Variants in ANTXR2 observed in about 807,000 individuals in gnomAD.
ANTXR2 encodes ANTXR cell adhesion molecule 2.
ANTXR2 carries 44 observed loss-of-function variants against 73.7 expected under a neutral mutation model. The observed-to-expected ratio is 0.60, with a 90% CI of 0.47 to 0.77. The LOEUF is 0.77. Among genes scored for constraint, ANTXR2 ranks in the 30% least tolerant of loss-of-function variants. ANTXR2 has a pLI of 0.00. For missense variants in ANTXR2, 604 were observed against 592.5 expected (o/e 1.02, Z -0.20); for synonymous variants, 217 against 205.9 (o/e 1.05, Z -0.46).
chr4:79,978,087 C>T lies in ANTXR2; in HGVS notation c.1267G>A (p.Glu423Lys). The part of the protein sequence containing the change: ...NAVVKIPEET[E>K]EPIRPRPPRP... Reference sequence around the variant, plus strand: ...GGTGGTCTAGGCCTGATGGGTTCCTCTGTTTCTTCAGGAATCTTCACCACA... The same window carrying T: ...GGTGGTCTAGGCCTGATGGGTTCCTTTGTTTCTTCAGGAATCTTCACCACA... The change falls in exon 15 of 17, where the codon GAG becomes AAG. Residue 423 changes from glutamate (E) to lysine (K), a missense_variant. Transcript: ENST00000403729. The T allele has an allele frequency of 6.2e-7, 1 of 1,613,900 alleles. No individual in the cohort carries two copies. Among genetic ancestry groups the T allele is most frequent in the Non-Finnish European group, 8.5e-7 (1 of 1,179,848 alleles).
At chr4:79,933,943 T>C (rs1004189314) in intron 16 of ANTXR2, among the ~76,000 whole-genome samples, 10 of 151,882 alleles carry the variant, frequency 6.6e-5, no homozygotes, top group African/African-American at 2.4e-4. Flanking sequence ...TTTCGCCGTG[T>C]TAGGGAAGAT....
At chr4:79,983,322 T>C (rs1729967153) in intron 14 of ANTXR2, among the ~76,000 whole-genome samples, 1 of 152,150 alleles carries the variant, frequency 6.6e-6, no homozygotes, top group African/African-American at 2.4e-5. Flanking sequence ...AGATATAATA[T>C]TAAAGTTCAA....
intron 12 of ANTXR2, among the ~76,000 whole-genome samples, chr4:79,985,540 C>T (rs575105416): frequency 1.3e-5 from 2 of 152,170 alleles, no homozygotes; most frequent in East Asian, 3.9e-4. Flanking sequence ...CCAAACTAAC[C>T]TAGGCTGGGT....
chr4:79,943,703 T>C (rs1173729581), intron 16 of ANTXR2, among the ~76,000 whole-genome samples: 2 of 144,172 alleles, frequency 1.4e-5, no homozygotes, highest in Non-Finnish European at 3.0e-5. Flanking sequence ...ACCTGCACAA[T>C]GTGCACATGT....
chr4:80,052,190 A>C (rs992510598), intron 7 of ANTXR2, among the ~76,000 whole-genome samples: 4 of 151,650 alleles, frequency 2.6e-5, no homozygotes, highest in African/African-American at 9.7e-5. Context: ...TAGTTTGATA[A>C]ATCATAAAGA....
intron 16 of ANTXR2, among the ~76,000 whole-genome samples, chr4:79,957,659 G>A (rs933990862): frequency 9.2e-5 from 14 of 151,878 alleles, no homozygotes; most frequent in East Asian, 3.9e-4. Context: ...GATATAATCC[G>A]AAAATCATAC....
intron 7 of ANTXR2, among the ~76,000 whole-genome samples, chr4:80,040,527 A>G (rs1015019855): frequency 6.6e-6 from 1 of 152,106 alleles, no homozygotes; most frequent in South Asian, 2.1e-4. Flanking sequence ...TTTCCCTCTA[A>G]TATATGCTGT....
intron 16 of ANTXR2, among the ~76,000 whole-genome samples, chr4:79,928,867 G>A (rs1000390035): frequency 2.0e-5 from 3 of 152,078 alleles, no homozygotes; most frequent in African/African-American, 7.2e-5. Flanking sequence ...ATATTTGCAA[G>A]GCATAAAGCC....
chr4:80,035,961 TA>T lies in ANTXR2; in HGVS notation c.697+10del. The T allele has an allele frequency of 6.5e-7, 1 of 1,535,268 alleles. No homozygotes were observed. The highest frequency in any genetic ancestry group is 1.3e-5 in the South Asian group (1 of 79,458). ...TTTCTTACATGGTATTTTTAAATTC[TA>T]AACACTTACCCCCCACACAGACACT... On this transcript the variant is annotated intron_variant, in intron 8 of 16. Coordinates refer to ENST00000403729, the MANE Select transcript of ANTXR2 (RefSeq NM_058172.6).
intron 3 of ANTXR2, among the ~76,000 whole-genome samples, chr4:80,061,526 C>T (rs1734256945): frequency 6.6e-6 from 1 of 151,944 alleles, no homozygotes; most frequent in South Asian, 2.1e-4. Context: ...TGTAGCAATA[C>T]ATAAGGATTT....
intron 7 of ANTXR2, among the ~76,000 whole-genome samples, chr4:80,040,930 T>C (rs1251461241): frequency 6.6e-6 from 1 of 152,040 alleles, no homozygotes; most frequent in Admixed American, 6.6e-5. Flanking sequence ...TCCTCAAACA[T>C]TAATATAGAT....
intron 12 of ANTXR2, among the ~76,000 whole-genome samples, chr4:80,004,016 T>C (rs1022266878): frequency 6.6e-6 from 1 of 152,120 alleles, no homozygotes; most frequent in African/African-American, 2.4e-5. Context: ...TAAATGTTTT[T>C]CAACAGGTGA....
chr4:79,909,729 A>G (rs1727052470), intron 16 of ANTXR2, among the ~76,000 whole-genome samples: 2 of 152,256 alleles, frequency 1.3e-5, no homozygotes, highest in South Asian at 4.2e-4. Flanking sequence ...AAAACAAGCA[A>G]ATGCTCTTCT....
intron 3 of ANTXR2, among the ~76,000 whole-genome samples, chr4:80,057,822 ATGCTGTATTCCCC>A (rs1404346287): frequency 6.6e-6 from 1 of 152,082 alleles, no homozygotes; most frequent in Admixed American, 6.6e-5. Context: ...TCTTTTATTT[ATGCTGTATTCCCC>A]TGCTCTGTAC....
In ANTXR2 at chr4:79,923,755, T is replaced by C. The variant is rs578040751; in HGVS notation, c.1429-16288A>G. On this transcript the variant is annotated intron_variant, in intron 16 of 16. Coordinates refer to ENST00000403729, the MANE Select transcript of ANTXR2 (RefSeq NM_058172.6). The stretch of plus-strand genomic sequence containing the variant: ...AGTTAACTGACTTCATAGGTATTTA[T>C]TTTCCTTTATGCCTCTGTTATTCCC... Among the ~76,000 whole-genome samples, 97 of 152,252 alleles carry C rather than the reference T, an allele frequency of 6.4e-4. 1 individual carries two copies. Among genetic ancestry groups the C allele is most frequent in the African/African-American group, 2.2e-3 (92 of 41,554 alleles).
intron 16 of ANTXR2, among the ~76,000 whole-genome samples, chr4:79,950,489 T>C (rs1728665857): frequency 6.6e-6 from 1 of 152,210 alleles, no homozygotes; most frequent in South Asian, 2.1e-4. Flanking sequence ...CCAAAGCTAC[T>C]ATTTCTTCTT....
At chr4:80,041,145 G>T (rs1733226286) in intron 7 of ANTXR2, among the ~76,000 whole-genome samples, 1 of 151,970 alleles carries the variant, frequency 6.6e-6, no homozygotes, top group Non-Finnish European at 1.5e-5. Context: ...TGAGGAAACT[G>T]GGGCTTAGAA....
At chr4:80,050,233 T>G (rs1241899480) in intron 7 of ANTXR2, among the ~76,000 whole-genome samples, 2 of 151,730 alleles carry the variant, frequency 1.3e-5, no homozygotes, top group Non-Finnish European at 2.9e-5. Flanking sequence ...GTTTCCAAGT[T>G]GTTGGCTAGG....
At chr4:80,001,116 A>T (rs556526296) in intron 12 of ANTXR2, among the ~76,000 whole-genome samples, 1 of 152,174 alleles carries the variant, frequency 6.6e-6, no homozygotes, top group South Asian at 2.1e-4. Flanking sequence ...CAGAGGGGTT[A>T]TTCTAATTTT....
Sources: gnomAD v4.1 joint callset for allele counts (sites outside exome capture counted in the v4.1 genomes callset) on GRCh38, gnomAD v4.1.1 for gene constraint, MANE v1.5 for transcripts, NCBI Gene and HGNC (gene_info 2026-07-23, HGNC 2026-07-21) for gene names.